FTO: variants seen among roughly 807,000 people sequenced by gnomAD.
The protein encoded by FTO is FTO alpha-ketoglutarate dependent dioxygenase.
Under a neutral mutation model 63.9 loss-of-function variants are expected in FTO, and 47 were observed. The observed-to-expected ratio is 0.74, with a 90% CI of 0.58 to 0.94. The LOEUF is 0.94. FTO is among the 40% of genes least tolerant of loss of function. The probability of loss-of-function intolerance (pLI) is 0.00; values close to 1 mark genes in which losing one functional copy is unlikely to be tolerated. For missense variants in FTO, 562 were observed against 618.1 expected (o/e 0.91, Z 0.96); for synonymous variants, 207 against 224.4 (o/e 0.92, Z 0.69).
intron 7 of FTO, among the ~76,000 whole-genome samples, chr16:53,929,281 C>T (rs760637923): frequency 4.6e-4 from 70 of 152,210 alleles, no homozygotes; most frequent in Admixed American, 1.4e-3. Flanking sequence ...TCTGTCCCTA[C>T]AGTATTGCCT....
At chr16:53,875,078 AAAG>A (rs1188270658) in intron 5 of FTO, among the ~76,000 whole-genome samples, 1 of 151,842 alleles carries the variant, frequency 6.6e-6, no homozygotes, top group Non-Finnish European at 1.5e-5. Context: ...CAGAGGAAGA[AAAG>A]AAGGGAGGGA....
chr16:53,916,813 C>CCCTTGA (rs2151949339), intron 7 of FTO, among the ~76,000 whole-genome samples: 1 of 152,322 alleles, frequency 6.6e-6, no homozygotes, highest in South Asian at 2.1e-4. Flanking sequence ...ATTATTTTCA[C>CCCTTGA]CCTTGACCTG....
At chr16:53,795,673 T>A (rs1031389448) in intron 1 of FTO, among the ~76,000 whole-genome samples, 12 of 152,284 alleles carry the variant, frequency 7.9e-5, no homozygotes, top group African/African-American at 2.9e-4. Context: ...TGAGTTTAGA[T>A]ATATTGAGTA....
At chr16:54,064,043 G>C (rs998009941) in intron 8 of FTO, 1 of 151,122 alleles carries the variant, frequency 6.6e-6, no homozygotes, top group Non-Finnish European at 1.5e-5. Context: ...CTTTGTCATC[G>C]GTGGAATTGT....
At chr16:53,960,720 G>T (rs554811826) in intron 8 of FTO, among the ~76,000 whole-genome samples, 3 of 151,824 alleles carry the variant, frequency 2.0e-5, no homozygotes, top group Non-Finnish European at 1.5e-5. Flanking sequence ...ATGGGGGTGG[G>T]GGGGGCGCGG....
chr16:54,101,268 C>G (rs1241598139), intron 8 of FTO, among the ~76,000 whole-genome samples: 1 of 152,112 alleles, frequency 6.6e-6, no homozygotes, highest in African/African-American at 2.4e-5. Context: ...CTTTTCTGCT[C>G]TCCCCCTCCT....
intron 8 of FTO, among the ~76,000 whole-genome samples, chr16:54,028,575 C>G (rs79847504): frequency 0.017 from 2,597 of 152,282 alleles, 83 homozygotes; most frequent in African/African-American, 0.059. Flanking sequence ...CCGATTACAA[C>G]TCTTTCCATG....
chr16:53,861,936 TAAGTATC>T (rs1451583262), intron 4 of FTO, among the ~76,000 whole-genome samples: 6 of 152,264 alleles, frequency 3.9e-5, no homozygotes, highest in Admixed American at 3.9e-4. Context: ...ATAGGATTCT[TAAGTATC>T]AAACTTCCCC....
intron 1 of FTO, among the ~76,000 whole-genome samples, chr16:53,713,057 C>T (rs1401624378): frequency 6.6e-6 from 1 of 151,798 alleles, no homozygotes; most frequent in Non-Finnish European, 1.5e-5. Context: ...GAATGAATTC[C>T]CAAGAGCATC....
At chr16:53,859,068 A>G (rs2080094543) in intron 4 of FTO, among the ~76,000 whole-genome samples, 1 of 152,208 alleles carries the variant, frequency 6.6e-6, no homozygotes, top group Non-Finnish European at 1.5e-5. Flanking sequence ...TGCAGAGTAT[A>G]GCGAGTTGGG....
intron 8 of FTO, among the ~76,000 whole-genome samples, chr16:54,076,818 A>G (rs149752438): frequency 3.3e-4 from 50 of 152,334 alleles, no homozygotes; most frequent in African/African-American, 9.6e-4. Flanking sequence ...GCAGATGAGT[A>G]AAGGCATCTG....
At chr16:53,809,210 T>C (rs1043814029) in intron 1 of FTO, among the ~76,000 whole-genome samples, 3 of 152,146 alleles carry the variant, frequency 2.0e-5, no homozygotes, top group Non-Finnish European at 4.4e-5. Flanking sequence ...TGGCTTTGAG[T>C]GCTTAAAAAG....
At chr16:54,070,660 A>G (rs1438493908) in intron 8 of FTO, 1 of 152,224 alleles carries the variant, frequency 6.6e-6, no homozygotes, top group Non-Finnish European at 1.5e-5. Context: ...GCAGGCAGCC[A>G]TCTTCAAGAC....
At chr16:54,012,642 A>G (rs557293663) in intron 8 of FTO, among the ~76,000 whole-genome samples, 16 of 152,332 alleles carry the variant, frequency 1.1e-4, no homozygotes, top group South Asian at 6.2e-4. Flanking sequence ...AGGGGCTAAT[A>G]TAGCTGGTAA....
intron 1 of FTO, among the ~76,000 whole-genome samples, chr16:53,744,939 G>A (rs2076615237): frequency 6.6e-6 from 1 of 152,016 alleles, no homozygotes; most frequent in South Asian, 2.1e-4. Context: ...TCTACTGCCT[G>A]TCATTATCAT....
At chr16:54,104,943 C>T (rs1319323314) in intron 8 of FTO, among the ~76,000 whole-genome samples, 2 of 152,300 alleles carry the variant, frequency 1.3e-5, no homozygotes, top group Non-Finnish European at 2.9e-5. Context: ...GGACTTGTAT[C>T]ACATAAGAAG....
In FTO at chr16:54,093,626, G is replaced by A. The variant is rs148875569; in HGVS notation, c.1365-18136G>A. Among the ~76,000 whole-genome samples the A allele has an allele frequency of 7.6e-4, 116 of 152,300 alleles. No individual in the cohort carries two copies. In the East Asian group the frequency reaches 0.02, roughly 26 times the overall value. On this transcript the variant is annotated intron_variant, in intron 8 of 8. Transcript: ENST00000471389. Reference sequence around the variant, plus strand: ...GAGCTGGAAAGGTGACTTGTAACAGGCCTCTTGTTCCCAGACTCCTCTATA... The same window carrying A: ...GAGCTGGAAAGGTGACTTGTAACAGACCTCTTGTTCCCAGACTCCTCTATA...
chr16:54,067,727 GA>G (rs1175337477), intron 8 of FTO, among the ~76,000 whole-genome samples: 2 of 152,194 alleles, frequency 1.3e-5, no homozygotes, highest in East Asian at 3.9e-4. Flanking sequence ...ATTTACAGAT[GA>G]ATATTTCAAT....
intron 4 of FTO, among the ~76,000 whole-genome samples, chr16:53,849,336 A>C (rs1185141559): frequency 6.6e-6 from 1 of 152,242 alleles, no homozygotes; most frequent in African/African-American, 2.4e-5. Flanking sequence ...ACTTGTGAAG[A>C]GTGGGAACTG....
Sources: allele counts gnomAD v4.1 joint callset (sites outside exome capture counted in the v4.1 genomes callset), GRCh38; gene constraint gnomAD v4.1.1; transcripts MANE v1.5; gene names NCBI Gene and HGNC (gene_info 2026-07-23, HGNC 2026-07-21).